Variants in PALM2AKAP2 observed in about 807,000 individuals in gnomAD.
PALM2AKAP2 encodes PALM2-AKAP2 fusion protein.
PALM2AKAP2 carries 37 observed loss-of-function variants against 71.5 expected under a neutral mutation model. That is an observed-to-expected ratio of 0.52 (90% CI 0.40 to 0.68). PALM2AKAP2 has a LOEUF of 0.68. PALM2AKAP2 is among the 30% of genes least tolerant of loss of function. PALM2AKAP2 has a pLI of 0.00. For missense variants in PALM2AKAP2, 1,224 were observed against 1,191.8 expected, an observed-to-expected ratio of 1.03 and a Z score of -0.40; for synonymous variants, 468 against 478.8, an observed-to-expected ratio of 0.98 and a Z score of 0.29.
intron 3 of PALM2AKAP2, among the ~76,000 whole-genome samples, chr9:109,897,229 G>A (rs1830222518): frequency 6.6e-6 from 1 of 152,114 alleles, no homozygotes; most frequent in Admixed American, 6.5e-5. Flanking sequence ...ATAATCATAA[G>A]GTATACTTTG....
intron 1 of PALM2AKAP2, among the ~76,000 whole-genome samples, chr9:109,688,172 C>G (rs765350340): frequency 2.6e-5 from 4 of 152,160 alleles, no homozygotes; most frequent in Non-Finnish European, 5.9e-5. Flanking sequence ...CATAGAGACA[C>G]GAAGTGTGCA....
At chr9:110,135,160 A>AT (rs1835819896) in intron 1 of PALM2AKAP2, among the ~76,000 whole-genome samples, 1 of 50,560 alleles carries the variant, frequency 2.0e-5, no homozygotes, top group African/African-American at 7.9e-5. Flanking sequence ...TACAAAAAAA[A>AT]AAAAATATAT....
At chr9:109,754,381 A>C (rs1363712456) in intron 1 of PALM2AKAP2, among the ~76,000 whole-genome samples, 2 of 152,154 alleles carry the variant, frequency 1.3e-5, no homozygotes, top group African/African-American at 4.8e-5. Context: ...CAACTTCTTC[A>C]TTCTCTCTTT....
At chr9:109,836,897 A>G (rs9408824) in intron 1 of PALM2AKAP2, among the ~76,000 whole-genome samples, 123,292 of 152,218 alleles carry the variant, frequency 0.81, 50,161 homozygotes, top group African/African-American at 0.9. Flanking sequence ...ACAAATCTAC[A>G]TCTGATTGGT....
intron 7 of PALM2AKAP2, among the ~76,000 whole-genome samples, chr9:110,035,807 T>TATAACATATATA (rs1833394836): frequency 6.9e-6 from 1 of 145,864 alleles, no homozygotes; most frequent in Non-Finnish European, 1.5e-5. Context: ...GTGTGTTATA[T>TATAACATATATA]GTAACATATA....
At chr9:109,673,395 C>T (rs908436381) in intron 1 of PALM2AKAP2, among the ~76,000 whole-genome samples, 1 of 152,070 alleles carries the variant, frequency 6.6e-6, no homozygotes, top group African/African-American at 2.4e-5. Context: ...GATTCAATTT[C>T]CATGTAATTG....
intron 3 of PALM2AKAP2, among the ~76,000 whole-genome samples, chr9:109,907,568 G>C (rs1830477286): frequency 6.6e-6 from 1 of 152,200 alleles, no homozygotes; most frequent in African/African-American, 2.4e-5. Flanking sequence ...AAGGGGTAGG[G>C]TTCAGTAGTT....
chr9:109,804,568 T>C (rs936882239), intron 1 of PALM2AKAP2, among the ~76,000 whole-genome samples: 1 of 152,186 alleles, frequency 6.6e-6, no homozygotes, highest in African/African-American at 2.4e-5. Flanking sequence ...TTTTGGTAGT[T>C]GAAGTTAATT....
At chr9:109,841,378 A>C (rs1211306288) in intron 1 of PALM2AKAP2, among the ~76,000 whole-genome samples, 1 of 124,102 alleles carries the variant, frequency 8.1e-6, no homozygotes, top group East Asian at 2.6e-4. Flanking sequence ...GGGTGGGGGT[A>C]GGGGGGAGGG....
chr9:109,801,722 G>GTC (rs2131401496), intron 1 of PALM2AKAP2, among the ~76,000 whole-genome samples: 1 of 152,042 alleles, frequency 6.6e-6, no homozygotes, highest in African/African-American at 2.4e-5. Flanking sequence ...GTGTGTGTGT[G>GTC]TGTGTGTTTG....
intron 1 of PALM2AKAP2, among the ~76,000 whole-genome samples, chr9:109,814,144 T>G (rs140614162): frequency 5.6e-4 from 86 of 152,268 alleles, no homozygotes; most frequent in African/African-American, 2.0e-3. Context: ...AGAATGAAGC[T>G]CCCAGTTTCA....
intron 6 of PALM2AKAP2, among the ~76,000 whole-genome samples, chr9:110,007,078 A>G (rs980368405): frequency 6.6e-6 from 1 of 152,070 alleles, no homozygotes; most frequent in African/African-American, 2.4e-5. Context: ...CTTTTTTCTT[A>G]AAAAGGGAGG....
At chr9:109,828,455 T>C (rs1221866393) in intron 1 of PALM2AKAP2, among the ~76,000 whole-genome samples, 1 of 152,206 alleles carries the variant, frequency 6.6e-6, no homozygotes, top group Non-Finnish European at 1.5e-5. Context: ...ACAGCCTAGT[T>C]GCGTTCTGTT....
chr9:110,003,933 G>A (rs1832728542), intron 6 of PALM2AKAP2, among the ~76,000 whole-genome samples: 1 of 152,130 alleles, frequency 6.6e-6, no homozygotes. Flanking sequence ...CTCTGCACAT[G>A]AGGTAGGTTT....
At chr9:109,805,780 C>G (rs757155720) in intron 1 of PALM2AKAP2, among the ~76,000 whole-genome samples, 10 of 152,182 alleles carry the variant, frequency 6.6e-5, no homozygotes, top group Non-Finnish European at 8.8e-5. Flanking sequence ...ACCTGTACCA[C>G]CTAGGCATCT....
chr9:109,869,530 G>A (rs1829547668), intron 2 of PALM2AKAP2, among the ~76,000 whole-genome samples: 1 of 151,330 alleles, frequency 6.6e-6, no homozygotes, highest in South Asian at 2.1e-4. Context: ...AGTAGAGATG[G>A]GGTTTCACCA....
chr9:110,137,435 C>A lies in PALM2AKAP2; in HGVS notation c.1465C>A (p.Pro489Thr), dbSNP rs112958283. ...GAAATCCCCCGGTGCCCTGGAGACCCCATCGGCAGCAGGAAGCCAGGGCAA... is the reference window on the plus strand; with the variant it reads ...GAAATCCCCCGGTGCCCTGGAGACCACATCGGCAGCAGGAAGCCAGGGCAA... Residue 489 changes from proline to threonine, a missense_variant, in exon 2 of 4, where the codon CCA becomes ACA. Pro to Thr is a conservative substitution (Grantham distance 38, BLOSUM62 -1). Transcript: ENST00000374525. The A allele has an allele frequency of 5.2e-3, 8,371 of 1,614,150 alleles. 24 individuals carry two copies. The highest frequency in any genetic ancestry group is 6.5e-3 in the Non-Finnish European group (7,622 of 1,180,002).
chr9:109,729,362 A>T (rs1026408784), intron 1 of PALM2AKAP2, among the ~76,000 whole-genome samples: 4 of 152,208 alleles, frequency 2.6e-5, no homozygotes, highest in African/African-American at 9.6e-5. Context: ...CTCTGAAAAC[A>T]TAAGTGCAGG....
intron 2 of PALM2AKAP2, among the ~76,000 whole-genome samples, chr9:110,139,172 A>G (rs1251275960): frequency 6.6e-6 from 1 of 152,116 alleles, no homozygotes; most frequent in Non-Finnish European, 1.5e-5. Context: ...AAGTTGAATT[A>G]CTCTTCACAA....
Sources: gnomAD v4.1 joint callset for allele counts (sites outside exome capture counted in the v4.1 genomes callset) on GRCh38, gnomAD v4.1.1 for gene constraint, MANE v1.5 for transcripts, NCBI Gene and HGNC (gene_info 2026-07-23, HGNC 2026-07-21) for gene names.